Variants in SAMD4A observed in about 807,000 individuals in gnomAD.
The protein encoded by SAMD4A is protein Smaug homolog 1.
In SAMD4A, 33 loss-of-function variants were observed where a neutral mutation model predicts 81.3. That is an observed-to-expected ratio of 0.41 (90% CI 0.31 to 0.54). The LOEUF is 0.54. SAMD4A is among the 20% of genes least tolerant of loss of function. The probability of loss-of-function intolerance (pLI) is 0.37; values close to 1 mark genes in which losing one functional copy is unlikely to be tolerated. For synonymous variants in SAMD4A, 389 were observed against 382.1 expected (o/e 1.02, Z -0.21); for missense variants, 854 against 951.1 (o/e 0.90, Z 1.34).
At chr14:54,777,407 A>AAGGCAGAGTTAC (rs373675813) in intron 11 of SAMD4A, among the ~76,000 whole-genome samples, 4 of 152,186 alleles carry the variant, frequency 2.6e-5, no homozygotes, top group African/African-American at 9.7e-5. Context: ...GGAGAGAGGG[A>AAGGCAGAGTTAC]AGGCAGAGTT....
intron 2 of SAMD4A, among the ~76,000 whole-genome samples, chr14:54,681,167 A>ACC (rs567019550): frequency 6.9e-6 from 1 of 144,096 alleles, no homozygotes; most frequent in South Asian, 2.3e-4. Context: ...CTGCAGAAAG[A>ACC]CCCCCCCTCC....
intron 2 of SAMD4A, among the ~76,000 whole-genome samples, chr14:54,660,334 A>G (rs2035612809): frequency 6.6e-6 from 1 of 152,218 alleles, no homozygotes; most frequent in Non-Finnish European, 1.5e-5. Flanking sequence ...CCAGAGAGTA[A>G]TGGGCCAGGG....
intron 3 of SAMD4A, among the ~76,000 whole-genome samples, chr14:54,724,910 G>T (rs1385491619): frequency 6.6e-6 from 1 of 152,178 alleles, no homozygotes; most frequent in Non-Finnish European, 1.5e-5. Flanking sequence ...ATCCAAATGA[G>T]CTGGGGTGTG....
At chr14:54,728,958 A>G (rs1594867768) in intron 3 of SAMD4A, among the ~76,000 whole-genome samples, 1 of 152,208 alleles carries the variant, frequency 6.6e-6, no homozygotes, top group African/African-American at 2.4e-5. Flanking sequence ...GTGGCAGTGA[A>G]GGAAGACCTG....
chr14:54,610,276 A>G (rs1219673808), intron 2 of SAMD4A, among the ~76,000 whole-genome samples: 2 of 152,182 alleles, frequency 1.3e-5, no homozygotes, highest in Non-Finnish European at 2.9e-5. Flanking sequence ...TTCATTGGAA[A>G]TGTCAAGAAT....
chr14:54,786,200 T>C (rs1387485721), intron 12 of SAMD4A, among the ~76,000 whole-genome samples: 2 of 152,228 alleles, frequency 1.3e-5, no homozygotes, highest in East Asian at 3.8e-4. Context: ...ATGCAGTGGA[T>C]GAATCTTAAC....
chr14:54,685,283 C>A (rs936596129), intron 2 of SAMD4A, among the ~76,000 whole-genome samples: 2 of 151,142 alleles, frequency 1.3e-5, no homozygotes, highest in African/African-American at 4.9e-5. Context: ...TGCCCCCCCC[C>A]CCAGCTCCTG....
chr14:54,688,931 C>CT (rs71127666), intron 2 of SAMD4A, among the ~76,000 whole-genome samples: 2,550 of 116,080 alleles, frequency 0.022, 86 homozygotes, highest in African/African-American at 0.054. Flanking sequence ...AGTCGTAATT[C>CT]TTTTTTTTTT....
chr14:54,698,664 G>T (rs2036634120), intron 2 of SAMD4A, among the ~76,000 whole-genome samples: 1 of 152,222 alleles, frequency 6.6e-6, no homozygotes, highest in African/African-American at 2.4e-5. Flanking sequence ...GATCCAGTAG[G>T]TGTAGTTAGC....
intron 2 of SAMD4A, among the ~76,000 whole-genome samples, chr14:54,685,276 C>CCT (rs1555343086): frequency 1.0e-4 from 2 of 19,966 alleles, no homozygotes; most frequent in African/African-American, 1.7e-4. Context: ...TTCTTCCTGC[C>CCT]CCCCCCCCCA....
chr14:54,673,161 A>G (rs571332553), intron 2 of SAMD4A, among the ~76,000 whole-genome samples: 83 of 152,330 alleles, frequency 5.4e-4, no homozygotes, highest in Middle Eastern at 3.4e-3. Context: ...CTTGGAAACT[A>G]TTCTTTATCC....
intron 3 of SAMD4A, among the ~76,000 whole-genome samples, chr14:54,706,456 C>T (rs762325401): frequency 4.6e-5 from 7 of 151,562 alleles, no homozygotes; most frequent in Non-Finnish European, 1.0e-4. Context: ...CATACAAAAA[C>T]TAGCTGGGCA....
intron 2 of SAMD4A, among the ~76,000 whole-genome samples, chr14:54,651,538 A>G (rs984368580): frequency 1.9e-4 from 29 of 152,210 alleles, no homozygotes; most frequent in African/African-American, 6.8e-4. Context: ...CTAATGGGTC[A>G]TATGTTGGAA....
At chr14:54,770,844 T>C (rs1301934681) in intron 9 of SAMD4A, among the ~76,000 whole-genome samples, 2 of 152,200 alleles carry the variant, frequency 1.3e-5, no homozygotes, top group African/African-American at 4.8e-5. Context: ...AAAGATGAAC[T>C]GCAGTGACAA....
At chr14:54,723,274 C>T (rs1800789450) in intron 3 of SAMD4A, among the ~76,000 whole-genome samples, 1 of 152,002 alleles carries the variant, frequency 6.6e-6, no homozygotes, top group South Asian at 2.1e-4. Context: ...TTGGGGAAAG[C>T]CCAAATGAAA....
intron 2 of SAMD4A, among the ~76,000 whole-genome samples, chr14:54,655,923 C>G (rs2035510055): frequency 6.6e-6 from 1 of 151,880 alleles, no homozygotes; most frequent in Non-Finnish European, 1.5e-5. Flanking sequence ...TGAGGAACAA[C>G]TTAAGTTTTG....
chr14:54,762,304 G>A (rs548848642), intron 7 of SAMD4A, among the ~76,000 whole-genome samples: 1 of 152,258 alleles, frequency 6.6e-6, no homozygotes, highest in South Asian at 2.1e-4. Context: ...CCTTTGGAAG[G>A]GGAAAACAAT....
At chr14:54,757,811 C>T (rs2038286498) in intron 6 of SAMD4A, among the ~76,000 whole-genome samples, 3 of 152,252 alleles carry the variant, frequency 2.0e-5, no homozygotes, top group Middle Eastern at 3.4e-3. Flanking sequence ...CTGGTTGGGC[C>T]GTTGGCAGGA....
chr14:54,725,273 C>T (rs1319764414), intron 3 of SAMD4A, among the ~76,000 whole-genome samples: 1 of 152,214 alleles, frequency 6.6e-6, no homozygotes, highest in African/African-American at 2.4e-5. Context: ...GAGTTCTGGG[C>T]ACTGAAATTT....
Sources: gnomAD v4.1 joint callset for allele counts (sites outside exome capture counted in the v4.1 genomes callset) on GRCh38, gnomAD v4.1.1 for gene constraint, MANE v1.5 for transcripts, NCBI Gene and HGNC (gene_info 2026-07-23, HGNC 2026-07-21) for gene names.